Variants in ARHGEF33 observed in about 807,000 individuals in gnomAD.
The protein encoded by ARHGEF33 is Rho guanine nucleotide exchange factor 33.
In ARHGEF33, 72 loss-of-function variants were observed where a neutral mutation model predicts 101.9. That is an observed-to-expected ratio of 0.71 (90% CI 0.58 to 0.86). The LOEUF is 0.86. ARHGEF33 is among the 40% of genes least tolerant of loss of function. The pLI, the probability that ARHGEF33 is intolerant of heterozygous loss-of-function variation, is 0.00. For missense variants in ARHGEF33, 1,169 were observed against 1,111.3 expected (o/e 1.05, Z -0.74); for synonymous variants, 499 against 442.5 (o/e 1.13, Z -1.60).
chr2:38,890,968 G>GT (rs11380408), intron 1 of ARHGEF33, among the ~76,000 whole-genome samples: 131,939 of 145,020 alleles, frequency 0.91, 61,024 homozygotes, highest in East Asian at 0.99. Flanking sequence ...CATACTATTG[G>GT]TTTTTTTTTT....
chr2:38,941,383 G>T (rs1446002974), intron 9 of ARHGEF33, among the ~76,000 whole-genome samples: 1 of 152,080 alleles, frequency 6.6e-6, no homozygotes, highest in East Asian at 1.9e-4. Flanking sequence ...TCATAATTTT[G>T]CAAAATGCTT....
At chr2:38,953,856 T>C (rs73930384) in intron 12 of ARHGEF33, among the ~76,000 whole-genome samples, 6,443 of 152,272 alleles carry the variant, frequency 0.042, 462 homozygotes, top group African/African-American at 0.15. Context: ...ATGCCTACCA[T>C]GTTAGCTTTC....
At chr2:38,895,547 G>A (rs1666102071) in intron 1 of ARHGEF33, among the ~76,000 whole-genome samples, 1 of 152,072 alleles carries the variant, frequency 6.6e-6, no homozygotes, top group Non-Finnish European at 1.5e-5. Flanking sequence ...TATGAATACT[G>A]AGGTGATTGT....
rs1327608900 is a variant in ARHGEF33, at chr2:38,937,474, A to G, written c.705A>G (p.Thr235=). 1 of 1,550,990 alleles carries G rather than the reference A, an allele frequency of 6.4e-7. No individual in the cohort carries two copies. Among genetic ancestry groups the G allele is most frequent in the Non-Finnish European group, 8.7e-7 (1 of 1,146,644 alleles). The change falls in exon 9 of 18, where the codon ACA becomes ACG. Residue 235 remains threonine (T), a synonymous_variant. Transcript: ENST00000409978. ...DGKEWGEEYV[T]KDHPDKLKEA... ...AAGAATGGGGTGAAGAATACGTCAC[A>G]AAAGACCACCCAGATAAACTCAAGG... is the stretch of plus-strand genomic sequence containing the variant.
intron 2 of ARHGEF33, among the ~76,000 whole-genome samples, chr2:38,911,471 C>T (rs1269733969): frequency 1.3e-5 from 2 of 152,240 alleles, no homozygotes; most frequent in East Asian, 3.9e-4. Context: ...AATAGACAAT[C>T]CTCAGTTTTT....
At chr2:38,928,712 A>G in intron 4 of ARHGEF33, 195 bp from the exon 5 acceptor site, 1 of 447,058 alleles carries the variant, frequency 2.2e-6, no homozygotes. Flanking sequence ...TATGCTATAT[A>G]TAAAGAAGAC....
At chr2:38,923,402 T>A (rs966430488) in intron 4 of ARHGEF33, among the ~76,000 whole-genome samples, 1 of 152,170 alleles carries the variant, frequency 6.6e-6, no homozygotes, top group Non-Finnish European at 1.5e-5. Context: ...AAATCTATAC[T>A]AGAAGGGAGG....
chr2:38,949,830 A>T (rs1667552810), intron 10 of ARHGEF33, among the ~76,000 whole-genome samples: 1 of 152,202 alleles, frequency 6.6e-6, no homozygotes, highest in South Asian at 2.1e-4. Context: ...TTATGGTGGA[A>T]GGCGAAGGGG....
At chr2:38,910,275 T>C (rs551561256) in intron 2 of ARHGEF33, among the ~76,000 whole-genome samples, 1 of 152,304 alleles carries the variant, frequency 6.6e-6, no homozygotes, top group South Asian at 2.1e-4. Flanking sequence ...ATTTAGCTTT[T>C]AGAAATTATT....
chr2:38,960,795 G>A, intron 16 of ARHGEF33, 147 bp downstream of exon 16: 2 of 640,440 alleles, frequency 3.1e-6, no homozygotes, highest in East Asian at 9.7e-5. Flanking sequence ...GGTGGAGGCG[G>A]AGGGAGAGCA....
At chr2:38,957,956 TC>T in intron 14 of ARHGEF33, 77 bp from the exon 15 acceptor site, 1 of 1,480,652 alleles carries the variant, frequency 6.8e-7, no homozygotes, top group Non-Finnish European at 9.2e-7. Flanking sequence ...CATCTCTCTA[TC>T]TTTTTTGGCA....
intron 1 of ARHGEF33, among the ~76,000 whole-genome samples, chr2:38,892,167 T>C (rs988531001): frequency 6.6e-5 from 10 of 152,156 alleles, no homozygotes; most frequent in Non-Finnish European, 1.2e-4. Flanking sequence ...GGAGTAGCTG[T>C]TTTGGATTTG....
chr2:38,943,013 C>T (rs551473531), intron 9 of ARHGEF33, among the ~76,000 whole-genome samples: 267 of 152,218 alleles, frequency 1.8e-3, no homozygotes, highest in African/African-American at 5.9e-3. Context: ...CTGCAACCTC[C>T]GCCTCCTGGG....
chr2:38,936,015 C>G (rs1214055862), intron 8 of ARHGEF33, among the ~76,000 whole-genome samples, 181 bp downstream of exon 8: 1 of 152,164 alleles, frequency 6.6e-6, no homozygotes, highest in Non-Finnish European at 1.5e-5. Context: ...CTCATTTGAA[C>G]CAAGGAGAGA....
At chr2:38,956,142 T>C (rs1225388785) in intron 13 of ARHGEF33, among the ~76,000 whole-genome samples, 1 of 152,100 alleles carries the variant, frequency 6.6e-6, no homozygotes, top group Non-Finnish European at 1.5e-5. Context: ...ACACACCTAG[T>C]AGGTAAAAAA....
intron 10 of ARHGEF33, among the ~76,000 whole-genome samples, chr2:38,949,791 C>G (rs1386881011): frequency 2.0e-5 from 3 of 152,286 alleles, no homozygotes; most frequent in Middle Eastern, 3.4e-3. Flanking sequence ...ATCTGCTCAG[C>G]CTCTGAGGAG....
intron 10 of ARHGEF33, 25 bp downstream of exon 10, chr2:38,944,055 C>T: frequency 6.5e-7 from 1 of 1,530,710 alleles, no homozygotes; most frequent in African/African-American, 1.4e-5. Flanking sequence ...ATTGCCTTTG[C>T]TTTTCAGATT....
At chr2:38,890,810 T>A (rs1665979984) in intron 1 of ARHGEF33, among the ~76,000 whole-genome samples, 1 of 152,126 alleles carries the variant, frequency 6.6e-6, no homozygotes, top group Non-Finnish European at 1.5e-5. Context: ...CAGAAATGTA[T>A]CCTAGAGAAA....
chr2:38,952,282 A>G (rs1239781927), intron 11 of ARHGEF33, among the ~76,000 whole-genome samples: 2 of 152,276 alleles, frequency 1.3e-5, no homozygotes, highest in African/African-American at 4.8e-5. Flanking sequence ...ATAATGTACT[A>G]ATATCCTCTA....
Sources: allele counts gnomAD v4.1 joint callset (sites outside exome capture counted in the v4.1 genomes callset), GRCh38; gene constraint gnomAD v4.1.1; transcripts MANE v1.5; gene names NCBI Gene and HGNC (gene_info 2026-07-23, HGNC 2026-07-21).